The following PLCB3 variants were observed in gnomAD, a reference collection of about 807,000 sequenced individuals.
PLCB3 encodes phospholipase C beta 3, also known as 1-phosphatidylinositol 4,5-bisphosphate phosphodiesterase beta-3.
A neutral mutation model predicts 152.1 loss-of-function variants in PLCB3; 54 were observed. That is an observed-to-expected ratio of 0.36 (90% CI 0.29 to 0.45). The LOEUF is 0.45. Among genes scored for constraint, PLCB3 ranks in the 20% least tolerant of loss-of-function variants. The pLI, the probability that PLCB3 is intolerant of heterozygous loss-of-function variation, is 1.00. For missense variants in PLCB3, 1,248 were observed against 1,687.5 expected (o/e 0.74, Z 4.56); for synonymous variants, 717 against 698.7 (o/e 1.03, Z -0.41).
At chr11:64,265,761 A>G in intron 25 of PLCB3, 125 bp from the exon 26 acceptor site, 1 of 1,341,190 alleles carries the variant, frequency 7.5e-7, no homozygotes, top group Non-Finnish European at 1.0e-6. Flanking sequence ...CCTGGTTTGC[A>G]TAACAGACCT....
In PLCB3 at chr11:64,251,626, C is replaced by G; in HGVS notation, c.-24C>G. The G allele has an allele frequency of 7.3e-7, 1 of 1,368,810 alleles. No homozygotes were observed. The highest frequency in any genetic ancestry group is 9.6e-7 in the Non-Finnish European group (1 of 1,036,534). 84.8% of individuals were successfully genotyped at this position (1,368,810 alleles called of 1,614,324 possible). A position where few individuals can be genotyped will look rare whatever the true frequency, so the allele number is the denominator to read the frequency against. ...CGGTCCCCGTCAGGGCTCCGTGGGT[C>G]CCCGACCCGCCCCTGGCCGGGCCAT... is the stretch of plus-strand genomic sequence containing the variant. On this transcript the variant is annotated 5_prime_UTR_variant, in exon 1 of 31. Coordinates refer to ENST00000279230, the MANE Select transcript of PLCB3 (RefSeq NM_000932.5).
chr11:64,252,669 G>A (rs1229405582), intron 1 of PLCB3, among the ~76,000 whole-genome samples: 1 of 152,220 alleles, frequency 6.6e-6, no homozygotes, highest in Non-Finnish European at 1.5e-5. Context: ...GAAGCGGCAG[G>A]TGTGCGAGGT....
chr11:64,264,429 C>T (rs192041392), intron 22 of PLCB3, among the ~76,000 whole-genome samples: 58 of 152,196 alleles, frequency 3.8e-4, no homozygotes, highest in Admixed American at 9.2e-4. Flanking sequence ...CAGTGGCTTC[C>T]GTGGGGAGGG....
chr11:64,258,474 G>C lies in PLCB3; in HGVS notation c.1014G>C (p.Ala338=), dbSNP rs758787013. The C allele has an allele frequency of 1.1e-5, 17 of 1,612,120 alleles. No individual in the cohort carries two copies. The East Asian group carries it at 2.0e-4, about 19-fold the overall frequency. Residue 338 remains alanine (A), a splice_region_variant and synonymous_variant, in exon 11 of 31, where the codon GCG becomes GCC. Coordinates refer to ENST00000279230, the MANE Select transcript of PLCB3 (RefSeq NM_000932.5). This position sits in a 1 kb window ranked among gnomAD's most constrained non-coding sequence, Gnocchi z 7.2. ...INSSHNTYLT[A]GQLAGTSSVE... is the part of the protein sequence containing the mutation. ...GGTGACAGAGCCTCGCCGCCCCAGC[G>C]GGGCAGCTGGCTGGGACCTCGTCGG...
downstream of PLCB3, among the ~76,000 whole-genome samples, chr11:64,269,435 G>A (rs2032326373): frequency 6.6e-6 from 1 of 152,248 alleles, no homozygotes; most frequent in Non-Finnish European, 1.5e-5. Flanking sequence ...TGAAGCCTCA[G>A]TTTCCAGCGA....
Position 64,258,315 on chromosome 11 carries a change from C to A in PLCB3, c.1013-158C>A, listed in dbSNP as rs566324273. Among the ~76,000 whole-genome samples, 1 of 152,060 alleles carries A rather than the reference C, an allele frequency of 6.6e-6. No individual in the cohort carries two copies. The highest frequency in any genetic ancestry group is 1.5e-5 in the Non-Finnish European group (1 of 67,996). On this transcript the variant is annotated intron_variant, in intron 10 of 30. Transcript: ENST00000279230. The surrounding 1 kb of genome is among the most constrained non-coding windows in gnomAD (Gnocchi z 7.2). ...GCTATAGTGAGTCTCAGGGATGACT[C>A]CCCCCAGCTCACGCTGGTGGGATGG...
chr11:64,252,686 C>A (rs1368254572), intron 1 of PLCB3, among the ~76,000 whole-genome samples: 1 of 152,024 alleles, frequency 6.6e-6, no homozygotes, highest in Non-Finnish European at 1.5e-5. Flanking sequence ...AGGTGGGGTG[C>A]CTGGGGGCCC....
intron 1 of PLCB3, among the ~76,000 whole-genome samples, chr11:64,252,696 C>T (rs1426094885): frequency 6.6e-6 from 1 of 152,062 alleles, no homozygotes; most frequent in African/African-American, 2.4e-5. Context: ...CCTGGGGGCC[C>T]CAGGGGCCGG....
intron 1 of PLCB3, among the ~76,000 whole-genome samples, chr11:64,253,594 G>T (rs2031351536): frequency 6.6e-6 from 1 of 152,234 alleles, no homozygotes; most frequent in Non-Finnish European, 1.5e-5. Flanking sequence ...GTAGCCACTT[G>T]TTCACTCTGG....
Position 64,255,596 on chromosome 11 carries a change from T to G in PLCB3, c.577T>G (p.Cys193Gly). 1 of 1,406,058 alleles carries G rather than the reference T, an allele frequency of 7.1e-7. No homozygotes were observed. The highest frequency in any genetic ancestry group is 9.6e-7 in the Non-Finnish European group (1 of 1,045,780). The allele number at this position is 1,406,058 out of a possible 1,614,324, so 87.1% of individuals were successfully genotyped here. ...KKRVETALESCGLKFNRSESI... is the reference protein window; with the variant it reads ...KKRVETALESGGLKFNRSESI... ...GCGGGTGGAGACTGCGCTGGAATCC[T>G]GTGGCCTCAAATTCAACCGGGTGTG... The change falls in exon 7 of 31, where the codon TGT (cysteine) becomes GGT (glycine). Residue 193 changes from cysteine (C) to glycine (G), a missense_variant. Coordinates refer to ENST00000279230, the MANE Select transcript of PLCB3 (RefSeq NM_000932.5). The surrounding 1 kb of genome is among the most constrained non-coding windows in gnomAD (Gnocchi z 6.8).
chr11:64,266,906 G>C lies in PLCB3; in HGVS notation c.3415-279G>C, dbSNP rs745899149. Among the ~76,000 whole-genome samples, 25 of 152,222 alleles carry C rather than the reference G, an allele frequency of 1.6e-4. No homozygotes were observed. Among genetic ancestry groups the C allele is most frequent in the Non-Finnish European group, 2.8e-4 (19 of 68,008 alleles). ...CCTCTTGGGTTCAAGCAATTCTCTT[G>C]CCTCAGCCTCCCGAGTAGCTGGGAT... On this transcript the variant is annotated intron_variant, in intron 29 of 30. Transcript: ENST00000279230. This position sits in a 1 kb window ranked among gnomAD's most constrained non-coding sequence, Gnocchi z 4.9.
At chr11:64,259,628 C>A (rs546297606) in intron 13 of PLCB3, among the ~76,000 whole-genome samples, 2 of 152,040 alleles carry the variant, frequency 1.3e-5, no homozygotes, top group African/African-American at 4.8e-5. Flanking sequence ...TTTCAGCTGA[C>A]CTCTGACCTC....
At chr11:64,261,324 C>T in intron 14 of PLCB3, 76 bp from the exon 15 acceptor site, 1 of 1,050,230 alleles carries the variant, frequency 9.5e-7, no homozygotes, top group Non-Finnish European at 1.5e-6. Flanking sequence ...GTCAGCACCT[C>T]CTTCATGGGG....
At position 64,256,760 on chromosome 11, in the gene PLCB3, C is replaced by T. The variant is rs1243241720; in HGVS notation, c.1008C>T (p.Leu336=). Reference sequence around the variant, plus strand: ...TCAACTCCTCGCATAACACCTATCTCACTGGTGAGTGGGGAGCAAGGGTGG... The same window carrying T: ...TCAACTCCTCGCATAACACCTATCTTACTGGTGAGTGGGGAGCAAGGGTGG... ...YFINSSHNTY[L]TAGQLAGTSS... The change falls in exon 10 of 31, where the codon CTC becomes CTT. Residue 336 remains leucine, a synonymous_variant. Coordinates refer to ENST00000279230, the MANE Select transcript of PLCB3 (RefSeq NM_000932.5). The T allele has an allele frequency of 6.2e-7, 1 of 1,614,000 alleles. No individual in the cohort carries two copies. The highest frequency in any genetic ancestry group is 1.3e-5 in the African/African-American group (1 of 75,074).
At chr11:64,264,150 C>T (rs771037187) in intron 22 of PLCB3, 38 bp downstream of exon 22, 2 of 1,370,318 alleles carry the variant, frequency 1.5e-6, no homozygotes, top group Non-Finnish European at 2.0e-6. Context: ...CTCACTGTGA[C>T]CCAGGGGGCC....
At chr11:64,254,185 G>A (rs1259030813) in intron 1 of PLCB3, among the ~76,000 whole-genome samples, 1 of 152,146 alleles carries the variant, frequency 6.6e-6, no homozygotes, top group Non-Finnish European at 1.5e-5. Context: ...GGGCCAGAGG[G>A]AGGTGAGGCT....
chr11:64,261,844 G>A, intron 16 of PLCB3, 108 bp from the exon 17 acceptor site: 3 of 1,541,532 alleles, frequency 1.9e-6, no homozygotes, highest in South Asian at 1.2e-5. Flanking sequence ...GCTAGGCTAA[G>A]AAACAGAGGC....
Position 64,264,018 on chromosome 11 carries a change from C to G in PLCB3, c.2561-3C>G. The G allele has an allele frequency of 6.4e-7, 1 of 1,571,160 alleles. No individual in the cohort carries two copies. Among genetic ancestry groups the G allele is most frequent in the Non-Finnish European group, 8.6e-7 (1 of 1,158,808 alleles). On this transcript the variant is annotated splice_polypyrimidine_tract_variant and splice_region_variant and intron_variant, in intron 21 of 30. Coordinates refer to ENST00000279230, the MANE Select transcript of PLCB3 (RefSeq NM_000932.5). ...GAGACCTTGGCCTTCTGCCTCCCCC[C>G]AGACTATGCGGAGGCCCTGATCAAC...
At chr11:64,260,633 C>T (rs1355370182) in intron 14 of PLCB3, among the ~76,000 whole-genome samples, 5 of 151,812 alleles carry the variant, frequency 3.3e-5, no homozygotes, top group South Asian at 2.1e-4. Flanking sequence ...CTGAGCTGGG[C>T]GTGGTGGCTC....
Sources: allele counts gnomAD v4.1 joint callset (sites outside exome capture counted in the v4.1 genomes callset), GRCh38; gene constraint gnomAD v4.1.1; non-coding constraint Gnocchi (gnomAD v3.1); transcripts MANE v1.5; gene names NCBI Gene and HGNC (gene_info 2026-07-23, HGNC 2026-07-21).